The following CAMTA1 variants were observed in gnomAD, a reference collection of about 807,000 sequenced individuals.
CAMTA1 encodes the protein calmodulin-binding transcription activator 1.
In CAMTA1, 27 loss-of-function variants were observed where a neutral mutation model predicts 170.9. That is an observed-to-expected ratio of 0.16 (90% CI 0.12 to 0.22). The LOEUF is 0.22. Among genes scored for constraint, CAMTA1 ranks in the 10% least tolerant of loss-of-function variants. The pLI is 1.00. For synonymous variants in CAMTA1, 833 were observed against 891.5 expected (o/e 0.93, Z 1.17); for missense variants, 1,619 against 2,217.2 (o/e 0.73, Z 5.42).
chr1:7,131,318 T>A lies in CAMTA1; in HGVS notation c.302+39947T>A, dbSNP rs375685672. The stretch of plus-strand genomic sequence containing the variant: ...TTTTAAATTTCGGTGAAGTAAAATT[T>A]GTTGACTATTTTTTCATGGTTCATG... On this transcript the variant is annotated intron_variant, in intron 4 of 22. Coordinates refer to ENST00000303635, the MANE Select transcript of CAMTA1 (RefSeq NM_015215.4). Among the ~76,000 whole-genome samples, 45 of 152,280 alleles carry A rather than the reference T, an allele frequency of 3.0e-4. No individual in the cohort carries two copies. In the East Asian group the frequency reaches 4.1e-3, roughly 14 times the overall value.
intron 4 of CAMTA1, among the ~76,000 whole-genome samples, chr1:7,091,835 G>A (rs1056180646): frequency 3.3e-5 from 5 of 152,318 alleles, no homozygotes; most frequent in African/African-American, 9.6e-5. Context: ...GGCTAAGCTC[G>A]CAGTTTATTA....
chr1:6,831,093 C>T (rs1027813588), intron 3 of CAMTA1, among the ~76,000 whole-genome samples: 5 of 152,118 alleles, frequency 3.3e-5, no homozygotes, highest in Admixed American at 6.6e-5. Flanking sequence ...GCTGGGATTA[C>T]GGACGTGAGC....
chr1:7,560,558 C>T (rs1422902193), intron 6 of CAMTA1, among the ~76,000 whole-genome samples: 2 of 152,232 alleles, frequency 1.3e-5, no homozygotes, highest in Non-Finnish European at 2.9e-5. Context: ...ATGAGTAAGG[C>T]CTATGCATCC....
At chr1:7,747,906 GTT>G (rs34083763) in intron 19 of CAMTA1, 125 bp downstream of exon 19, 5,387 of 420,666 alleles carry the variant, frequency 0.013, no homozygotes, top group Non-Finnish European at 0.015. Context: ...TTTTTTGGTT[GTT>G]TTTTTTTTTT....
rs561245436 is a variant in CAMTA1, at chr1:7,127,474, A to G, written c.302+36103A>G. ...CACTCATCGCTAAAAATATTTCCCT[A>G]GGGCCCTCAAGGAGTCTCAAGACTC... is the stretch of plus-strand genomic sequence containing the variant. On this transcript the variant is annotated intron_variant, in intron 4 of 22. Transcript: ENST00000303635. Among the ~76,000 whole-genome samples, 48 of 151,808 alleles carry G rather than the reference A, an allele frequency of 3.2e-4. 2 individuals are homozygous for G. The South Asian group carries it at 9.8e-3, about 31-fold the overall frequency.
rs181423667 is a variant in CAMTA1 at position 7,425,536 on chromosome 1, A to G, written c.439-42294A>G. Among the ~76,000 whole-genome samples the G allele has an allele frequency of 5.3e-5, 8 of 152,020 alleles. No homozygotes were observed. The East Asian group carries it at 1.6e-3, about 30-fold the overall frequency. On this transcript the variant is annotated intron_variant, in intron 5 of 22. Transcript: ENST00000303635. ...AGCAGCCTCCATGGCAGATAAAGGG[A>G]GAGTGTGAATGAGGCTGCCAGGTGG...
intron 10 of CAMTA1, among the ~76,000 whole-genome samples, chr1:7,675,669 C>T (rs144857255): frequency 1.5e-3 from 228 of 152,176 alleles, no homozygotes; most frequent in African/African-American, 5.0e-3. Context: ...ATGTTGCCTT[C>T]GACAGGAGGC....
intron 4 of CAMTA1, among the ~76,000 whole-genome samples, chr1:7,179,025 A>C (rs1651538357): frequency 6.6e-6 from 1 of 152,202 alleles, no homozygotes; most frequent in African/African-American, 2.4e-5. Flanking sequence ...TGGTGCCCTA[A>C]GTGAGGAACA....
intron 3 of CAMTA1, among the ~76,000 whole-genome samples, chr1:6,875,432 G>A (rs1669556600): frequency 1.3e-5 from 2 of 152,074 alleles, no homozygotes; most frequent in African/African-American, 4.8e-5. Flanking sequence ...ACAGGCGCCC[G>A]CGACCACACC....
At chr1:7,413,958 T>C (rs74729726) in intron 5 of CAMTA1, among the ~76,000 whole-genome samples, 33,654 of 152,110 alleles carry the variant, frequency 0.22, 4,338 homozygotes, top group East Asian at 0.5. Flanking sequence ...TGAGAGCTTT[T>C]AGCATGAAGG....
intron 4 of CAMTA1, among the ~76,000 whole-genome samples, chr1:7,107,715 T>C (rs955731046): frequency 6.6e-6 from 1 of 152,164 alleles, no homozygotes; most frequent in Non-Finnish European, 1.5e-5. Context: ...ATCTGCTCCC[T>C]GAGCTGCAGG....
chr1:6,867,136 C>A (rs7513197), intron 3 of CAMTA1, among the ~76,000 whole-genome samples: 2,228 of 152,298 alleles, frequency 0.015, 50 homozygotes, highest in African/African-American at 0.051. Flanking sequence ...TCTGTATACA[C>A]CGCACAACCA....
chr1:7,605,502 C>T (rs1335171204), intron 6 of CAMTA1, among the ~76,000 whole-genome samples: 1 of 152,218 alleles, frequency 6.6e-6, no homozygotes, highest in African/African-American at 2.4e-5. Context: ...GATATAATCT[C>T]CTGGTGTGCC....
At chr1:7,658,092 G>T (rs1359528055) in intron 7 of CAMTA1, among the ~76,000 whole-genome samples, 1 of 152,184 alleles carries the variant, frequency 6.6e-6, no homozygotes, top group Non-Finnish European at 1.5e-5. Flanking sequence ...ACCCTCAAGT[G>T]GGGTGTAGCC....
Position 7,674,570 on chromosome 1 carries a change from G to C in CAMTA1, c.2780-3029G>C, listed in dbSNP as rs2096094249. Among the ~76,000 whole-genome samples, 1 of 152,160 alleles carries C rather than the reference G, an allele frequency of 6.6e-6. No homozygotes were observed. Among genetic ancestry groups the C allele is most frequent in the Non-Finnish European group, 1.5e-5 (1 of 68,018 alleles). On this transcript the variant is annotated intron_variant, in intron 10 of 22. Coordinates refer to ENST00000303635, the MANE Select transcript of CAMTA1 (RefSeq NM_015215.4). This position sits in a 1 kb window ranked among gnomAD's most constrained non-coding sequence, Gnocchi z 4.1. The stretch of plus-strand genomic sequence containing the variant: ...GAGGCGGGCGGATCACTTGAAGTCA[G>C]GAGTTCGAGACCAGCCTGACCGACA...
At position 7,355,201 on chromosome 1, in the gene CAMTA1, G is replaced by A. The variant is rs1157599783; in HGVS notation, c.438+105575G>A. ...AGCCTGGGTGACAGAGCAAAACTCC[G>A]TCTCAAAAAAAAAAAAAAAAAAGAA... On this transcript the variant is annotated intron_variant, in intron 5 of 22. Coordinates refer to ENST00000303635, the MANE Select transcript of CAMTA1 (RefSeq NM_015215.4). 7.4e-5 allele frequency among the ~76,000 whole-genome samples: 6 copies of A among 80,624 alleles called. No homozygotes were observed. In the East Asian group the frequency reaches 1.0e-3, roughly 14 times the overall value. 52.9% of individuals were successfully genotyped at this position (80,624 alleles called of 152,430 possible).
rs3034816 is a variant in CAMTA1 at position 7,579,552 on chromosome 1, C to CTTTTTTTTTTTTTTTTTTTTTT, written c.511-60844_511-60823dup. Among the ~76,000 whole-genome samples the CTTTTTTTTTTTTTTTTTTTTTT allele has an allele frequency of 9.2e-4, 73 of 79,202 alleles. 3 individuals are homozygous for CTTTTTTTTTTTTTTTTTTTTTT. Among genetic ancestry groups the CTTTTTTTTTTTTTTTTTTTTTT allele is most frequent in the African/African-American group, 1.5e-3 (26 of 16,970 alleles). 52.0% of individuals were successfully genotyped at this position (79,202 alleles called of 152,430 possible). A position where few individuals can be genotyped will look rare whatever the true frequency, so the allele number is the denominator to read the frequency against. On this transcript the variant is annotated intron_variant, in intron 6 of 22. Coordinates refer to ENST00000303635, the MANE Select transcript of CAMTA1 (RefSeq NM_015215.4). ...GGTCCACTTTCTTTTCTTTTCTTTT[C>CTTTTTTTTTTTTTTTTTTTTTT]TTTTTTTTTTTTTTTTTTTTTTTTT...
chr1:7,271,732 A>G (rs762493226), intron 5 of CAMTA1, among the ~76,000 whole-genome samples: 98 of 152,262 alleles, frequency 6.4e-4, no homozygotes, highest in Non-Finnish European at 1.1e-3. Context: ...AGATAGATGG[A>G]TAGACAGACA....
At chr1:7,059,791 T>G (rs1241540482) in intron 3 of CAMTA1, among the ~76,000 whole-genome samples, 1 of 152,142 alleles carries the variant, frequency 6.6e-6, no homozygotes. Flanking sequence ...ATAGAAATGG[T>G]GGTATTTATT....
Sources: gnomAD v4.1 joint callset for allele counts (sites outside exome capture counted in the v4.1 genomes callset) on GRCh38, gnomAD v4.1.1 for gene constraint, Gnocchi (gnomAD v3.1) non-coding constraint, MANE v1.5 for transcripts, NCBI Gene and HGNC (gene_info 2026-07-23, HGNC 2026-07-21) for gene names.